The following SLC44A2 variants were observed in gnomAD, a reference collection of about 807,000 sequenced individuals.
SLC44A2 encodes choline transporter-like protein 2.
In SLC44A2, 57 loss-of-function variants were observed where a neutral mutation model predicts 90.8. The ratio of observed to expected loss-of-function variants is 0.63; its 90% CI spans 0.51 to 0.78. The LOEUF (loss-of-function observed/expected upper bound fraction) is 0.78, where lower values mean the gene tolerates loss of function less well. Among genes scored for constraint, SLC44A2 ranks in the 30% least tolerant of loss-of-function variants. The pLI is 0.00. For missense variants in SLC44A2, 794 were observed against 919.7 expected (o/e 0.86, Z 1.77); for synonymous variants, 355 against 360.7 (o/e 0.98, Z 0.18).
chr19:10,633,643 G>T (rs533219907), intron 10 of SLC44A2, among the ~76,000 whole-genome samples: 1 of 152,236 alleles, frequency 6.6e-6, no homozygotes, highest in African/African-American at 2.4e-5. Context: ...TTTTTGTAGA[G>T]ACAGGTTCTC....
At chr19:10,617,576 C>G (rs1315872707) in intron 1 of SLC44A2, among the ~76,000 whole-genome samples, 1 of 152,174 alleles carries the variant, frequency 6.6e-6, no homozygotes, top group East Asian at 1.9e-4. Flanking sequence ...TTTCCTGAGA[C>G]AGCTGAGACT....
intron 1 of SLC44A2, among the ~76,000 whole-genome samples, chr19:10,616,164 A>G (rs2066853623): frequency 6.6e-6 from 1 of 151,840 alleles, no homozygotes; most frequent in Non-Finnish European, 1.5e-5. Context: ...AAAGGATGAA[A>G]TGAGGTGAAC....
chr19:10,627,922 T>G lies in SLC44A2; in HGVS notation c.163T>G (p.Trp55Gly). 6.2e-7 allele frequency: 1 copy of G among 1,614,008 alleles called. No individual in the cohort carries two copies. Reference sequence around the variant, plus strand: ...AGTATCCCTGGATCTTTCCACAGCCTGGACTCATGGAGACCCTCGAAAGGT... The same window carrying G: ...AGTATCCCTGGATCTTTCCACAGCCGGGACTCATGGAGACCCTCGAAAGGT... ...VGYVAVGIIA[W>G]THGDPRKVIY... is the part of the protein sequence containing the mutation. The change falls in exon 4 of 22, where the codon TGG (tryptophan) becomes GGG (glycine). Residue 55 changes from tryptophan (W) to glycine (G), a missense_variant and splice_region_variant. Trp to Gly is a radical substitution (Grantham distance 184, BLOSUM62 -2). Coordinates refer to ENST00000335757, the MANE Select transcript of SLC44A2 (RefSeq NM_020428.4).
At chr19:10,637,990 G>T in intron 18 of SLC44A2, 33 bp from the exon 19 acceptor site, 1 of 1,614,032 alleles carries the variant, frequency 6.2e-7, no homozygotes. Flanking sequence ...CCTGAAGCCA[G>T]CATTCACACC....
Position 10,627,692 on chromosome 19 carries a change from TCCTCCAAACACTGCC to T in SLC44A2, c.87-25_87-11del. 1 of 1,611,078 alleles carries T rather than the reference TCCTCCAAACACTGCC, an allele frequency of 6.2e-7. No individual in the cohort carries two copies. The highest frequency in any genetic ancestry group is 1.1e-5 in the South Asian group (1 of 90,958). On this transcript the variant is annotated splice_polypyrimidine_tract_variant and intron_variant, in intron 2 of 21. Coordinates refer to ENST00000335757, the MANE Select transcript of SLC44A2 (RefSeq NM_020428.4). ...CCCATGGTGCACACAGCACCAAGCC[TCCTCCAAACACTGCC>T]CCTCTGCTCCCCAGGGGCTGCACGG...
At chr19:10,619,356 G>T (rs1242723483) in intron 1 of SLC44A2, among the ~76,000 whole-genome samples, 1 of 150,426 alleles carries the variant, frequency 6.6e-6, no homozygotes, top group African/African-American at 2.4e-5. Context: ...TGAGCTCAGG[G>T]GGTAGAGGTT....
In SLC44A2 at chr19:10,612,994, C is replaced by T. The variant is rs368348492; in HGVS notation, c.31+10433C>T. 1.4e-4 allele frequency among the ~76,000 whole-genome samples: 21 copies of T among 152,250 alleles called. 1 individual carries two copies. The highest frequency in any genetic ancestry group is 5.1e-4 in the African/African-American group (21 of 41,560). ...GAGCAAGCAACCTCAGTGTGCCCGT[C>T]GTGAAATGGGATCACACTAATGGTT... On this transcript the variant is annotated intron_variant, in intron 1 of 21. Transcript: ENST00000407327.
chr19:10,610,564 A>G (rs371621531), intron 1 of SLC44A2, among the ~76,000 whole-genome samples: 2 of 139,096 alleles, frequency 1.4e-5, no homozygotes, highest in South Asian at 2.3e-4. Flanking sequence ...TGATCTCCTG[A>G]CCTCGTGATC....
intron 1 of SLC44A2, among the ~76,000 whole-genome samples, chr19:10,608,955 T>C (rs1445608505): frequency 1.3e-5 from 1 of 75,930 alleles, no homozygotes; most frequent in Non-Finnish European, 4.1e-5. Flanking sequence ...CCAGCCTACC[T>C]TTTTTTTTTT....
At chr19:10,626,409 A>C in intron 2 of SLC44A2, 108 bp downstream of exon 2, 1 of 909,372 alleles carries the variant, frequency 1.1e-6, no homozygotes. Context: ...CAAATATTTG[A>C]AACTTTTTTT....
chr19:10,625,982 A>C (rs1217161540), intron 1 of SLC44A2, among the ~76,000 whole-genome samples: 1 of 151,914 alleles, frequency 6.6e-6, no homozygotes. Flanking sequence ...CGTGGTGGTC[A>C]CCATTTCAGC....
chr19:10,630,030 C>A (rs1299806872), intron 4 of SLC44A2, among the ~76,000 whole-genome samples: 2 of 152,192 alleles, frequency 1.3e-5, no homozygotes, highest in Non-Finnish European at 2.9e-5. Flanking sequence ...GCTGGGATTA[C>A]AGGTGTGAGT....
At chr19:10,621,968 C>A (rs1196715521), upstream of SLC44A2, among the ~76,000 whole-genome samples, 1 of 152,144 alleles carries the variant, frequency 6.6e-6, no homozygotes, top group Non-Finnish European at 1.5e-5. Flanking sequence ...CACAGTGTTG[C>A]CCAGGCTGGT....
intron 1 of SLC44A2, among the ~76,000 whole-genome samples, chr19:10,611,011 T>A (rs556119585): frequency 4.7e-4 from 72 of 151,814 alleles, no homozygotes; most frequent in Admixed American, 3.2e-3. Context: ...ATTTTTAATT[T>A]AAAAAAAAAT....
intron 1 of SLC44A2, among the ~76,000 whole-genome samples, chr19:10,609,349 G>C (rs1301351436): frequency 2.6e-5 from 4 of 151,738 alleles, no homozygotes; most frequent in African/African-American, 9.7e-5. Flanking sequence ...GCCCAGGCTG[G>C]AGTGTAGTGG....
chr19:10,634,234 C>T (rs1287801242), intron 10 of SLC44A2, among the ~76,000 whole-genome samples: 14 of 148,602 alleles, frequency 9.4e-5, no homozygotes, highest in Admixed American at 5.4e-4. Flanking sequence ...GTGATCCACC[C>T]GTCTTGGCCT....
intron 1 of SLC44A2, among the ~76,000 whole-genome samples, chr19:10,619,823 C>T (rs1010982593): frequency 2.0e-5 from 3 of 151,958 alleles, no homozygotes; most frequent in South Asian, 2.1e-4. Flanking sequence ...GGCGTGGTGG[C>T]GTGCACCTGT....
chr19:10,619,234 A>G (rs1449667310), intron 1 of SLC44A2, among the ~76,000 whole-genome samples: 1 of 151,516 alleles, frequency 6.6e-6, no homozygotes, highest in African/African-American at 2.4e-5. Context: ...GTTCGAGACC[A>G]GCTGGGCAAC....
chr19:10,602,694 C>T, intron 1 of SLC44A2: 1 of 795,776 alleles, frequency 1.3e-6, no homozygotes, highest in Non-Finnish European at 1.7e-6. Flanking sequence ...CCCCCGCATC[C>T]GACACTGCGC....
Sources: allele counts gnomAD v4.1 joint callset (sites outside exome capture counted in the v4.1 genomes callset), GRCh38; gene constraint gnomAD v4.1.1; transcripts MANE v1.5; gene names NCBI Gene and HGNC (gene_info 2026-07-23, HGNC 2026-07-21).